Variants in ZNF26 observed in about 807,000 individuals in gnomAD.
The protein encoded by ZNF26 is zinc finger protein 26.
A neutral mutation model predicts 54.9 loss-of-function variants in ZNF26; 32 were observed. The ratio of observed to expected loss-of-function variants is 0.58; its 90% CI spans 0.44 to 0.78. The LOEUF (loss-of-function observed/expected upper bound fraction) is 0.78, where lower values mean the gene tolerates loss of function less well. Among genes scored for constraint, ZNF26 ranks in the 30% least tolerant of loss-of-function variants. ZNF26 has a pLI of 0.00. For synonymous variants in ZNF26, 221 were observed against 209.2 expected, an observed-to-expected ratio of 1.06 and a Z score of -0.49; for missense variants, 524 against 634.0, an observed-to-expected ratio of 0.83 and a Z score of 1.86.
intron 1 of ZNF26, among the ~76,000 whole-genome samples, chr12:132,991,467 C>T (rs1464156177): frequency 6.6e-6 from 1 of 151,508 alleles, no homozygotes; most frequent in African/African-American, 2.4e-5. Flanking sequence ...CACTGCACTC[C>T]AGCCCGGGCG....
Position 133,024,853 on chromosome 12 carries a change from A to G in ZNF26, c.*13372A>G, listed in dbSNP as rs1447614190. On this transcript the variant is annotated 3_prime_UTR_variant, in exon 4 of 4. Transcript: ENST00000328654. Reference sequence around the variant, plus strand: ...GATTTTTGGGGTGTGGCTTTTGTCTAATGGAATGGGTTGTACACAGATAGC... The same window carrying G: ...GATTTTTGGGGTGTGGCTTTTGTCTGATGGAATGGGTTGTACACAGATAGC... The G allele has an allele frequency of 1.3e-5, 2 of 152,158 alleles. No individual in the cohort carries two copies. The highest frequency in any genetic ancestry group is 4.8e-5 in the African/African-American group (2 of 41,432). The allele number at this position is 152,158 out of a possible 1,614,324, so 9.4% of individuals were successfully genotyped here. A position where few individuals can be genotyped will look rare whatever the true frequency, so the allele number is the denominator to read the frequency against.
Position 133,020,223 on chromosome 12 carries a change from A to G in ZNF26, c.*8742A>G, listed in dbSNP as rs1953621623. 6.6e-6 allele frequency: 1 copy of G among 152,198 alleles called. No individual in the cohort carries two copies. Among genetic ancestry groups the G allele is most frequent in the African/African-American group, 2.4e-5 (1 of 41,460 alleles). The allele number at this position is 152,198 out of a possible 1,614,324, so 9.4% of individuals were successfully genotyped here. A position where few individuals can be genotyped will look rare whatever the true frequency, so the allele number is the denominator to read the frequency against. On this transcript the variant is annotated 3_prime_UTR_variant, in exon 4 of 4. Transcript: ENST00000328654. Reference sequence around the variant, plus strand: ...AATCCTGTCATTTGCAGCAACTGGGATGGAACTGAAAGCCATTATAATAAG... The same window carrying G: ...AATCCTGTCATTTGCAGCAACTGGGGTGGAACTGAAAGCCATTATAATAAG...
chr12:132,986,921 G>A (rs1952835028), intron 1 of ZNF26, 48 bp downstream of exon 1: 1 of 1,569,492 alleles, frequency 6.4e-7, no homozygotes, highest in Non-Finnish European at 8.7e-7. Flanking sequence ...TACTGAGGGT[G>A]GCCACGTTAA....
Position 133,019,792 on chromosome 12 carries a change from C to G in ZNF26, c.*8311C>G, listed in dbSNP as rs1412733080. On this transcript the variant is annotated 3_prime_UTR_variant, in exon 4 of 4. Coordinates refer to ENST00000328654, the MANE Select transcript of ZNF26 (RefSeq NM_019591.4). ...CTCACGTTTCCTGCAGCACTATCCA[C>G]AAGAGCCAAAAAATGAAATCAGGCC... is the stretch of plus-strand genomic sequence containing the variant. 6.6e-6 allele frequency: 1 copy of G among 152,220 alleles called. No homozygotes were observed. The highest frequency in any genetic ancestry group is 1.5e-5 in the Non-Finnish European group (1 of 68,084). The allele number at this position is 152,220 out of a possible 1,614,324, so 9.4% of individuals were successfully genotyped here. A position where few individuals can be genotyped will look rare whatever the true frequency, so the allele number is the denominator to read the frequency against.
At chr12:132,987,847 G>A in intron 1 of ZNF26, 6 of 492,370 alleles carry the variant, frequency 1.2e-5, no homozygotes, top group Non-Finnish European at 1.6e-5. Flanking sequence ...AGAAAGTTAG[G>A]AGTGGATTTC....
chr12:132,997,955 A>G (rs906114216), intron 1 of ZNF26, among the ~76,000 whole-genome samples: 1 of 152,198 alleles, frequency 6.6e-6, no homozygotes, highest in African/African-American at 2.4e-5. Context: ...TTATAGGCAA[A>G]TAATAAAAAC....
intron 1 of ZNF26, among the ~76,000 whole-genome samples, chr12:133,002,874 T>A (rs1953249140): frequency 6.6e-6 from 1 of 152,050 alleles, no homozygotes; most frequent in Non-Finnish European, 1.5e-5. Flanking sequence ...TCCACCCGCC[T>A]TGGCCTCCCA....
intron 2 of ZNF26, 29 bp from the exon 3 acceptor site, chr12:133,007,408 C>T (rs1953355127): frequency 1.3e-6 from 2 of 1,581,614 alleles, no homozygotes; most frequent in Non-Finnish European, 1.7e-6. Context: ...ACAGCCTGGT[C>T]CCCACCCTTT....
At chr12:132,995,795 T>G (rs112905429) in intron 1 of ZNF26, among the ~76,000 whole-genome samples, 5,613 of 152,052 alleles carry the variant, frequency 0.037, 344 homozygotes, top group African/African-American at 0.13. Context: ...GGGATTACAG[T>G]TGCCCACCAC....
chr12:133,020,474 T>C lies in ZNF26; in HGVS notation c.*8993T>C, dbSNP rs1953626087. The C allele has an allele frequency of 6.6e-6, 1 of 151,894 alleles. No individual in the cohort carries two copies. Among genetic ancestry groups the C allele is most frequent in the South Asian group, 2.1e-4 (1 of 4,826 alleles). 9.4% of individuals were successfully genotyped at this position (151,894 alleles called of 1,614,324 possible). A position where few individuals can be genotyped will look rare whatever the true frequency, so the allele number is the denominator to read the frequency against. ...AATATATTTACATTTTGTTTATATA[T>C]TTATATTTTGCCTCAAAAAAGGCAA... On this transcript the variant is annotated 3_prime_UTR_variant, in exon 4 of 4. Transcript: ENST00000328654.
chr12:133,009,489 A>G (rs1034431216), intron 3 of ZNF26, among the ~76,000 whole-genome samples: 10 of 151,988 alleles, frequency 6.6e-5, no homozygotes, highest in African/African-American at 2.4e-4. Flanking sequence ...CTACTCAGGA[A>G]TCTGACATGG....
Position 133,001,822 on chromosome 12 carries a change from C to A in ZNF26, c.34-5220C>A. ...TTTGAGAGTCCCGCGGCAGTCTTTG[C>A]CTTCAGAATTTTTCAGAGGAAAGCA... is the stretch of plus-strand genomic sequence containing the variant. On this transcript the variant is annotated intron_variant, in intron 1 of 3. Coordinates refer to ENST00000328654, the MANE Select transcript of ZNF26 (RefSeq NM_019591.4). The surrounding 1 kb of genome is among the most constrained non-coding windows in gnomAD (Gnocchi z 4.7). 1.6e-6 allele frequency: 1 copy of A among 632,400 alleles called. No homozygotes were observed. The highest frequency in any genetic ancestry group is 6.7e-5 in the East Asian group (1 of 14,894). The allele number at this position is 632,400 out of a possible 1,614,324, so 39.2% of individuals were successfully genotyped here. A position where few individuals can be genotyped will look rare whatever the true frequency, so the allele number is the denominator to read the frequency against.
rs1953675759 is a variant in ZNF26, at chr12:133,024,252, G to T, written c.*12771G>T. The T allele has an allele frequency of 6.6e-6, 1 of 152,238 alleles. No homozygotes were observed. The highest frequency in any genetic ancestry group is 1.5e-5 in the Non-Finnish European group (1 of 68,052). 9.4% of individuals were successfully genotyped at this position (152,238 alleles called of 1,614,324 possible). A position where few individuals can be genotyped will look rare whatever the true frequency, so the allele number is the denominator to read the frequency against. Reference sequence around the variant, plus strand: ...TCAGTAAAACCCAGTGGGCTTTGGGGATGGTATTAGCAGAGTCTAAAAGTC... The same window carrying T: ...TCAGTAAAACCCAGTGGGCTTTGGGTATGGTATTAGCAGAGTCTAAAAGTC... On this transcript the variant is annotated 3_prime_UTR_variant, in exon 4 of 4. Coordinates refer to ENST00000328654, the MANE Select transcript of ZNF26 (RefSeq NM_019591.4).
Position 133,010,796 on chromosome 12 carries a change from G to T in ZNF26, c.917G>T (p.Arg306Ile), listed in dbSNP as rs1953454058. ...AAGTCTCCATTCGTTGTACACCAGAGAACTCATACAGGAGTGAAACCCCAT... is the reference window on the plus strand; with the variant it reads ...AAGTCTCCATTCGTTGTACACCAGATAACTCATACAGGAGTGAAACCCCAT... ...SLKSPFVVHQ[R>I]THTGVKPHKC... The change falls in exon 4 of 4, where the codon AGA (arginine) becomes ATA (isoleucine). Residue 306 changes from arginine to isoleucine, a missense_variant. Arg to Ile is a moderately conservative substitution (Grantham distance 97). Transcript: ENST00000328654. The T allele has an allele frequency of 1.2e-6, 2 of 1,613,904 alleles. No individual in the cohort carries two copies. Among genetic ancestry groups the T allele is most frequent in the African/African-American group, 1.3e-5 (1 of 74,918 alleles).
rs977024974 is a variant in ZNF26 at position 132,986,840 on chromosome 12, G to A, written c.-1G>A. On this transcript the variant is annotated 5_prime_UTR_variant, in exon 1 of 4. Coordinates refer to ENST00000328654, the MANE Select transcript of ZNF26 (RefSeq NM_019591.4). ...GGCAGCGCGCGAACGTGGGCGTGGG[G>A]ATGGCCACCAGTTTCCGGACAGCTT... The A allele has an allele frequency of 1.1e-5, 17 of 1,606,008 alleles. No homozygotes were observed. The highest frequency in any genetic ancestry group is 1.4e-5 in the Non-Finnish European group (17 of 1,176,432).
At chr12:132,988,742 G>A (rs1952882109) in intron 1 of ZNF26, among the ~76,000 whole-genome samples, 1 of 152,176 alleles carries the variant, frequency 6.6e-6, no homozygotes, top group Non-Finnish European at 1.5e-5. Flanking sequence ...CTTGAATATT[G>A]AGTCTTCCTA....
chr12:133,021,078 T>C lies in ZNF26; in HGVS notation c.*9597T>C, dbSNP rs1328312726. The C allele has an allele frequency of 6.6e-6, 1 of 151,916 alleles. No homozygotes were observed. Among genetic ancestry groups the C allele is most frequent in the Non-Finnish European group, 1.5e-5 (1 of 67,986 alleles). 9.4% of individuals were successfully genotyped at this position (151,916 alleles called of 1,614,324 possible). ...AGTGTTTAGGGATGTCGAGAAATTA[T>C]GCCTCCAACCTATGCTCATACATTT... On this transcript the variant is annotated 3_prime_UTR_variant, in exon 4 of 4. Coordinates refer to ENST00000328654, the MANE Select transcript of ZNF26 (RefSeq NM_019591.4).
At position 133,023,963 on chromosome 12, in the gene ZNF26, C is replaced by G. The variant is rs1953673038; in HGVS notation, c.*12482C>G. 1 of 152,228 alleles carries G rather than the reference C, an allele frequency of 6.6e-6. No individual in the cohort carries two copies. The allele number at this position is 152,228 out of a possible 1,614,324, so 9.4% of individuals were successfully genotyped here. On this transcript the variant is annotated 3_prime_UTR_variant, in exon 4 of 4. Coordinates refer to ENST00000328654, the MANE Select transcript of ZNF26 (RefSeq NM_019591.4). Reference sequence around the variant, plus strand: ...AGATGCTTGTTCAGCCCCATATGCTCCCGTTCCATGCCTTTCTGGCTCCAT... The same window carrying G: ...AGATGCTTGTTCAGCCCCATATGCTGCCGTTCCATGCCTTTCTGGCTCCAT...
intron 1 of ZNF26, among the ~76,000 whole-genome samples, chr12:132,990,391 G>C (rs1337704417): frequency 1.3e-5 from 2 of 152,176 alleles, no homozygotes; most frequent in Non-Finnish European, 2.9e-5. Context: ...TACATACCAG[G>C]AATAAATCCC....
Sources: allele counts gnomAD v4.1 joint callset (sites outside exome capture counted in the v4.1 genomes callset), GRCh38; gene constraint gnomAD v4.1.1; non-coding constraint Gnocchi (gnomAD v3.1); transcripts MANE v1.5; gene names NCBI Gene and HGNC (gene_info 2026-07-23, HGNC 2026-07-21).